SNX19: variants seen among roughly 807,000 people sequenced by gnomAD.
SNX19 encodes the protein sorting nexin-19.
Under a neutral mutation model 85.2 loss-of-function variants are expected in SNX19, and 60 were observed. That is an observed-to-expected ratio of 0.70 (90% confidence interval 0.57 to 0.87). SNX19 has a LOEUF of 0.87. Ranked by LOEUF, SNX19 falls within the 40% of genes least tolerant of loss-of-function variation. SNX19 has a pLI of 0.00. For missense variants in SNX19, 1,201 were observed against 1,217.8 expected (o/e 0.99, Z 0.21); for synonymous variants, 520 against 470.0 (o/e 1.11, Z -1.38).
chr11:130,914,851 A>T lies in SNX19; in HGVS notation c.1089T>A (p.Gly363=). The T allele has an allele frequency of 6.2e-7, 1 of 1,614,128 alleles. No homozygotes were observed. Among genetic ancestry groups the T allele is most frequent in the Non-Finnish European group, 8.5e-7 (1 of 1,180,012 alleles). Residue 363 remains glycine (G), a synonymous_variant, in exon 1 of 11, where the codon GGT becomes GGA. Coordinates refer to ENST00000265909, the MANE Select transcript of SNX19 (RefSeq NM_014758.3). The part of the protein sequence containing the change: ...SSHFLQPNVR[G]PLFLCEDSEL... ...CTGAGTCTTCACATAAGAACAGGGGACCTCGAACATTTGGCTGTAGGAAAT... is the reference window on the plus strand; with the variant it reads ...CTGAGTCTTCACATAAGAACAGGGGTCCTCGAACATTTGGCTGTAGGAAAT...
At position 130,869,718 on chromosome 11, in the gene SNX19, G is replaced by A. The variant is rs1471777699; in HGVS notation, c.*8704C>T. 1 of 152,162 alleles carries A rather than the reference G, an allele frequency of 6.6e-6. No homozygotes were observed. Among genetic ancestry groups the A allele is most frequent in the Non-Finnish European group, 1.5e-5 (1 of 68,018 alleles). 9.4% of individuals were successfully genotyped at this position (152,162 alleles called of 1,614,324 possible). A position where few individuals can be genotyped will look rare whatever the true frequency, so the allele number is the denominator to read the frequency against. ...TATTCTTAGGGTCGGTAGTTATTCT[G>A]ACTTCACAGAAGGGAATATCTGGCC... On this transcript the variant is annotated 3_prime_UTR_variant, in exon 11 of 11. Coordinates refer to ENST00000265909, the MANE Select transcript of SNX19 (RefSeq NM_014758.3).
At chr11:130,908,896 A>G (rs1466677111) in intron 4 of SNX19, among the ~76,000 whole-genome samples, 2 of 152,238 alleles carry the variant, frequency 1.3e-5, no homozygotes, top group Admixed American at 1.3e-4. Context: ...TCAGAGCAGC[A>G]CCATGCCTTC....
intron 8 of SNX19, among the ~76,000 whole-genome samples, chr11:130,886,055 T>C (rs1056659727): frequency 6.6e-6 from 1 of 152,212 alleles, no homozygotes; most frequent in African/African-American, 2.4e-5. Flanking sequence ...CATTGCGGCA[T>C]GTCCCCTGAG....
Position 130,870,526 on chromosome 11 carries a change from T to C in SNX19, c.*7896A>G, listed in dbSNP as rs1942981467. On this transcript the variant is annotated 3_prime_UTR_variant, in exon 11 of 11. Coordinates refer to ENST00000265909, the MANE Select transcript of SNX19 (RefSeq NM_014758.3). ...CCCACACGCAAGATGTACAAAGCTG[T>C]CTGGGGCAGGTCTGGTACAGACTAG... 6.6e-6 allele frequency among the ~76,000 whole-genome samples: 1 copy of C among 152,224 alleles called. No individual in the cohort carries two copies. Among genetic ancestry groups the C allele is most frequent in the South Asian group, 2.1e-4 (1 of 4,834 alleles).
chr11:130,879,119 A>G (rs994856922), intron 10 of SNX19, among the ~76,000 whole-genome samples: 1 of 152,136 alleles, frequency 6.6e-6, no homozygotes, highest in African/African-American at 2.4e-5. Flanking sequence ...TGAAATTCCA[A>G]CCTTACTATC....
chr11:130,879,665 C>G lies in SNX19; in HGVS notation c.2805G>C (p.Trp935Cys), dbSNP rs759295962. 1 of 1,613,922 alleles carries G rather than the reference C, an allele frequency of 6.2e-7. No individual in the cohort carries two copies. Among genetic ancestry groups the G allele is most frequent in the East Asian group, 2.2e-5 (1 of 44,858 alleles). The change falls in exon 10 of 11, where the codon TGG becomes TGC. Residue 935 changes from tryptophan to cysteine, a missense_variant. Trp to Cys is a radical substitution (Grantham distance 215). Around this residue, in one of 3 missense-constraint regions of SNX19, gnomAD observed 285 missense variants for 295.3 expected, o/e 0.97. Coordinates refer to ENST00000265909, the MANE Select transcript of SNX19 (RefSeq NM_014758.3). ...GTTGTAGTGACTCCAGGACTAGACC[C>G]CAGCTCAGCCGGCATTTGTTCACCC... ...ILGVNKCRLSWGLVLESLQQP... is the reference protein window; with the variant it reads ...ILGVNKCRLSCGLVLESLQQP...
chr11:130,906,031 G>C lies in SNX19; in HGVS notation c.2365C>G (p.Gln789Glu). 6.2e-7 allele frequency: 1 copy of C among 1,614,220 alleles called. No individual in the cohort carries two copies. Among genetic ancestry groups the C allele is most frequent in the Non-Finnish European group, 8.5e-7 (1 of 1,180,044 alleles). ...PTKAPEKDPE[Q>E]PPKGRVDSCV... ...CTGTCCACACGTCCTTTGGGAGGTT[G>C]TTCAGGATCTTTTTCTGGGGCTTTT... Residue 789 changes from glutamine (Q) to glutamate (E), a missense_variant, in exon 7 of 11, where the codon CAA becomes GAA. By Grantham distance (29) the Gln-to-Glu change is conservative. Coordinates refer to ENST00000265909, the MANE Select transcript of SNX19 (RefSeq NM_014758.3).
At position 130,905,565 on chromosome 11, in the gene SNX19, G is replaced by A. The variant is rs989897575; in HGVS notation, c.2443+388C>T. 21 of 1,003,222 alleles carry A rather than the reference G, an allele frequency of 2.1e-5. No homozygotes were observed. The Admixed American group carries it at 5.4e-4, about 26-fold the overall frequency. 62.1% of individuals were successfully genotyped at this position (1,003,222 alleles called of 1,614,324 possible). On this transcript the variant is annotated intron_variant, in intron 7 of 10. Coordinates refer to ENST00000265909, the MANE Select transcript of SNX19 (RefSeq NM_014758.3). ...GCAGGTGGATCATGGAGCCAACAGA[G>A]TGGACTAAGAAGCCACGAAAAAGGC...
At chr11:130,891,054 C>T (rs1399897550) in intron 8 of SNX19, among the ~76,000 whole-genome samples, 2 of 152,018 alleles carry the variant, frequency 1.3e-5, no homozygotes, top group African/African-American at 2.4e-5. Context: ...GCATACATCC[C>T]AATACTTACA....
At chr11:130,894,463 A>C (rs1004134331) in intron 8 of SNX19, among the ~76,000 whole-genome samples, 2 of 152,242 alleles carry the variant, frequency 1.3e-5, no homozygotes, top group Non-Finnish European at 2.9e-5. Flanking sequence ...TAGGCAGATA[A>C]GTGGCCTCTA....
At chr11:130,890,375 G>C (rs1944412593) in intron 8 of SNX19, among the ~76,000 whole-genome samples, 1 of 151,848 alleles carries the variant, frequency 6.6e-6, no homozygotes. Flanking sequence ...TTCTAACTTT[G>C]GCCCCTTCAA....
Position 130,908,143 on chromosome 11 carries a change from C to G in SNX19, c.2035-60G>C, listed in dbSNP as rs1006169975. Reference sequence around the variant, plus strand: ...ACATCCACAGATGGAAACCGCCAAGCAAGCAGTCGCCTCACAGCACTTTAT... The same window carrying G: ...ACATCCACAGATGGAAACCGCCAAGGAAGCAGTCGCCTCACAGCACTTTAT... On this transcript the variant is annotated intron_variant, in intron 4 of 10. Coordinates refer to ENST00000265909, the MANE Select transcript of SNX19 (RefSeq NM_014758.3). 1.0e-5 allele frequency: 16 copies of G among 1,583,272 alleles called. No homozygotes were observed. The East Asian group carries it at 1.1e-4, about 11-fold the overall frequency.
chr11:130,878,445 T>TA lies in SNX19; in HGVS notation c.2955dup (p.Lys986Ter), dbSNP rs1565502347. 2 of 1,613,772 alleles carry TA rather than the reference T, an allele frequency of 1.2e-6. No individual in the cohort carries two copies. Among genetic ancestry groups the TA allele is most frequent in the Non-Finnish European group, 1.7e-6 (2 of 1,179,836 alleles). On this transcript the variant is annotated frameshift_variant, in exon 11 of 11. Coordinates refer to ENST00000265909, the MANE Select transcript of SNX19 (RefSeq NM_014758.3). LOFTEE classifies it high-confidence loss of function. ...AGCTAAGAGGAGACACCCATCCTCT[T>TA]AGAGTTGCCTGGGGTATCTGAGGCA...
At position 130,876,887 on chromosome 11, in the gene SNX19, C is replaced by T. The variant is rs1252542874; in HGVS notation, c.*1535G>A. 1 of 152,310 alleles carries T rather than the reference C, an allele frequency of 6.6e-6. No individual in the cohort carries two copies. Among genetic ancestry groups the T allele is most frequent in the Non-Finnish European group, 1.5e-5 (1 of 68,040 alleles). 9.4% of individuals were successfully genotyped at this position (152,310 alleles called of 1,614,324 possible). A position where few individuals can be genotyped will look rare whatever the true frequency, so the allele number is the denominator to read the frequency against. On this transcript the variant is annotated 3_prime_UTR_variant, in exon 11 of 11. Transcript: ENST00000265909. ...TCTCATTCATCTCCTTGCCTTTGGG[C>T]AAGAATTGCACACCTAAGCCTCCCG...
intron 8 of SNX19, among the ~76,000 whole-genome samples, chr11:130,899,480 G>T (rs975119809): frequency 2.4e-4 from 36 of 152,178 alleles, no homozygotes; most frequent in African/African-American, 8.0e-4. Context: ...TCATTAAAAA[G>T]ATGGGAAAAA....
intron 8 of SNX19, among the ~76,000 whole-genome samples, chr11:130,884,313 ACT>A (rs1415161281): frequency 6.8e-6 from 1 of 147,050 alleles, no homozygotes; most frequent in East Asian, 2.0e-4. Context: ...CTCTCCATTA[ACT>A]CTCTTCATCT....
chr11:130,890,059 T>C (rs1185078728), intron 8 of SNX19, among the ~76,000 whole-genome samples: 1 of 152,190 alleles, frequency 6.6e-6, no homozygotes, highest in African/African-American at 2.4e-5. Flanking sequence ...AATCTATTAC[T>C]TTAGTAAGCA....
Position 130,874,263 on chromosome 11 carries a change from C to A in SNX19, c.*4159G>T, listed in dbSNP as rs149336343. On this transcript the variant is annotated 3_prime_UTR_variant, in exon 11 of 11. Transcript: ENST00000265909. ...TCTTAAACTCCTGGACTCAAACAAT[C>A]CCCCAACCTTGGCCTCCCAAAGTGT... Among the ~76,000 whole-genome samples, 2 of 152,276 alleles carry A rather than the reference C, an allele frequency of 1.3e-5. No individual in the cohort carries two copies. Among genetic ancestry groups the A allele is most frequent in the Admixed American group, 6.5e-5 (1 of 15,290 alleles).
Position 130,879,951 on chromosome 11 carries a change from A to G in SNX19, c.2759-240T>C, listed in dbSNP as rs114852003. ...AAAATTATTTTGTAACCTGTCACTC[A>G]AATGCAGGTACTCCTTCCAATGTAA... On this transcript the variant is annotated intron_variant, in intron 9 of 10. Transcript: ENST00000265909. Among the ~76,000 whole-genome samples the G allele has an allele frequency of 8.9e-3, 1,348 of 152,312 alleles. 22 individuals carry two copies. The highest frequency in any genetic ancestry group is 0.031 in the African/African-American group (1,282 of 41,570).
Sources: allele counts gnomAD v4.1 joint callset (sites outside exome capture counted in the v4.1 genomes callset), GRCh38; gene constraint gnomAD v4.1.1; regional missense constraint gnomAD v4.1.1; transcripts MANE v1.5; gene names NCBI Gene and HGNC (gene_info 2026-07-23, HGNC 2026-07-21).